Variants in FOXN3 observed in about 807,000 individuals in gnomAD.
FOXN3 encodes forkhead box protein N3.
A neutral mutation model predicts 38.4 loss-of-function variants in FOXN3; 7 were observed. The observed-to-expected ratio is 0.18, with a 90% CI of 0.10 to 0.34. The LOEUF is 0.34. Among genes scored for constraint, FOXN3 ranks in the 10% least tolerant of loss-of-function variants. The pLI, the probability that FOXN3 is intolerant of heterozygous loss-of-function variation, is 1.00. For synonymous variants in FOXN3, 230 were observed against 242.2 expected (o/e 0.95, Z 0.47); for missense variants, 456 against 613.4 (o/e 0.74, Z 2.71).
chr14:89,304,299 C>CCGGGAAGGGG (rs908055235), intron 3 of FOXN3, among the ~76,000 whole-genome samples: 13 of 152,092 alleles, frequency 8.5e-5, no homozygotes, highest in Admixed American at 2.0e-4. Context: ...GAGCTGGAGC[C>CCGGGAAGGGG]CGGGAAGGGG....
intron 1 of FOXN3, among the ~76,000 whole-genome samples, chr14:89,606,336 A>G (rs950227988): frequency 2.6e-5 from 4 of 152,012 alleles, no homozygotes; most frequent in African/African-American, 7.3e-5. Context: ...TGAGGTATAC[A>G]TAATTCTAGT....
rs1056298460 is a variant in FOXN3, at chr14:89,548,369, A to G, written c.-15+70659T>C. Among the ~76,000 whole-genome samples, 1 of 152,202 alleles carries G rather than the reference A, an allele frequency of 6.6e-6. No homozygotes were observed. Among genetic ancestry groups the G allele is most frequent in the African/African-American group, 2.4e-5 (1 of 41,452 alleles). On this transcript the variant is annotated intron_variant, in intron 1 of 6. Transcript: ENST00000345097. The surrounding 1 kb of genome is among the most constrained non-coding windows in gnomAD (Gnocchi z 4.8). ...CTAGGCTACATATACGGTTATAAAG[A>G]TGTGCACATATCACAGCATTACTTA...
chr14:89,515,029 C>T (rs1894174487), intron 1 of FOXN3, among the ~76,000 whole-genome samples: 1 of 152,002 alleles, frequency 6.6e-6, no homozygotes, highest in Non-Finnish European at 1.5e-5. Context: ...AAGCAATTCT[C>T]CTGCCTCAGC....
chr14:89,506,873 G>A (rs1001349571), intron 1 of FOXN3, among the ~76,000 whole-genome samples: 5 of 152,168 alleles, frequency 3.3e-5, no homozygotes, highest in African/African-American at 9.7e-5. Context: ...ACTCAGGGTT[G>A]AATGGATTAA....
chr14:89,498,619 C>T (rs1191810434), intron 1 of FOXN3, among the ~76,000 whole-genome samples: 1 of 152,060 alleles, frequency 6.6e-6, no homozygotes, highest in Non-Finnish European at 1.5e-5. Context: ...CCCGAATTAC[C>T]CTGGATATTG....
At chr14:89,411,899 AAAG>A (rs774411412) in intron 2 of FOXN3, 32 bp downstream of exon 2, 2 of 1,304,182 alleles carry the variant, frequency 1.5e-6, no homozygotes, top group Non-Finnish European at 1.0e-6. Flanking sequence ...AAAAAAAAAA[AAAG>A]AAAACCTTGG....
At chr14:89,579,422 C>G (rs532938186) in intron 1 of FOXN3, among the ~76,000 whole-genome samples, 1 of 152,264 alleles carries the variant, frequency 6.6e-6, no homozygotes, top group South Asian at 2.1e-4. Context: ...TCCCAAAGTG[C>G]TAGGATTACA....
chr14:89,217,431 C>A (rs8006934), intron 4 of FOXN3, among the ~76,000 whole-genome samples: 1 of 152,118 alleles, frequency 6.6e-6, no homozygotes, highest in Non-Finnish European at 1.5e-5. Flanking sequence ...TGAGCCACCA[C>A]GCCTGGCCTC....
Position 89,278,779 on chromosome 14 carries a change from C to T in FOXN3, c.745+2171G>A, listed in dbSNP as rs115522022. 2.0e-3 allele frequency among the ~76,000 whole-genome samples: 301 copies of T among 152,188 alleles called. 2 individuals carry two copies. The highest frequency in any genetic ancestry group is 6.9e-3 in the African/African-American group (285 of 41,518). On this transcript the variant is annotated intron_variant, in intron 4 of 5. Coordinates refer to ENST00000557258, the MANE Select transcript of FOXN3 (RefSeq NM_005197.4). ...TTCTTCCACTTGCTATAGGGAAAAA[C>T]GAGGGATGTGCGTACATTTTTGAAA...
intron 3 of FOXN3, among the ~76,000 whole-genome samples, chr14:89,299,898 C>G (rs1044934038): frequency 6.6e-6 from 1 of 152,188 alleles, no homozygotes; most frequent in Admixed American, 6.5e-5. Context: ...TCCCCTCCAT[C>G]AAGAGCAAAC....
chr14:89,480,459 T>C (rs1374054790), intron 1 of FOXN3, among the ~76,000 whole-genome samples: 4 of 152,056 alleles, frequency 2.6e-5, no homozygotes, highest in Non-Finnish European at 4.4e-5. Flanking sequence ...ACTCAGTGTG[T>C]TGACTTTTAC....
At chr14:89,520,819 A>G (rs1319318579) in intron 1 of FOXN3, among the ~76,000 whole-genome samples, 5 of 152,216 alleles carry the variant, frequency 3.3e-5, no homozygotes, top group Non-Finnish European at 7.3e-5. Flanking sequence ...AGCAATCAGA[A>G]AGACTGATCC....
At chr14:89,552,562 TA>T (rs1895027315) in intron 1 of FOXN3, among the ~76,000 whole-genome samples, 1 of 152,088 alleles carries the variant, frequency 6.6e-6, no homozygotes, top group Admixed American at 6.5e-5. Context: ...TTCTCCTAAT[TA>T]AAAGTGTTGG....
chr14:89,437,935 T>C (rs963015250), intron 1 of FOXN3, among the ~76,000 whole-genome samples: 4 of 152,200 alleles, frequency 2.6e-5, no homozygotes, highest in Non-Finnish European at 5.9e-5. Flanking sequence ...TGACAGACAA[T>C]GAGCTAGGGT....
chr14:89,533,238 T>C (rs1474374335), intron 1 of FOXN3, among the ~76,000 whole-genome samples: 4 of 152,162 alleles, frequency 2.6e-5, no homozygotes, highest in African/African-American at 9.7e-5. Context: ...CCATCCCGTC[T>C]TTCCCTTTCA....
At chr14:89,603,280 T>C (rs1286551484) in intron 1 of FOXN3, among the ~76,000 whole-genome samples, 1 of 152,246 alleles carries the variant, frequency 6.6e-6, no homozygotes, top group Non-Finnish European at 1.5e-5. Context: ...TGCCAAGTAG[T>C]TGGCTTGCTA....
chr14:89,259,966 C>CA (rs557417738), intron 4 of FOXN3, among the ~76,000 whole-genome samples: 143 of 152,350 alleles, frequency 9.4e-4, no homozygotes, highest in African/African-American at 3.3e-3. Flanking sequence ...TATCCACAGA[C>CA]AGAACTTCTA....
At chr14:89,611,527 C>A (rs1896386276) in intron 1 of FOXN3, among the ~76,000 whole-genome samples, 1 of 152,178 alleles carries the variant, frequency 6.6e-6, no homozygotes, top group Non-Finnish European at 1.5e-5. Flanking sequence ...AATAATGAGG[C>A]CGGGCGCGGT....
chr14:89,161,245 T>C lies in FOXN3; in HGVS notation c.*1169A>G, dbSNP rs1438145397. The C allele has an allele frequency of 6.6e-6, 1 of 152,538 alleles. No homozygotes were observed. Among genetic ancestry groups the C allele is most frequent in the African/African-American group, 2.4e-5 (1 of 41,454 alleles). The allele number at this position is 152,538 out of a possible 1,614,324, so 9.4% of individuals were successfully genotyped here. A position where few individuals can be genotyped will look rare whatever the true frequency, so the allele number is the denominator to read the frequency against. ...TTTTTGCAAAGATAAATCCTGATAT[T>C]AATTGCAAACTCCATTTTGAGGGCA... is the stretch of plus-strand genomic sequence containing the variant. On this transcript the variant is annotated 3_prime_UTR_variant, in exon 6 of 6. Transcript: ENST00000557258.
Sources: allele counts gnomAD v4.1 joint callset (sites outside exome capture counted in the v4.1 genomes callset), GRCh38; gene constraint gnomAD v4.1.1; non-coding constraint Gnocchi (gnomAD v3.1); transcripts MANE v1.5; gene names NCBI Gene and HGNC (gene_info 2026-07-23, HGNC 2026-07-21).